The following NPAS2 variants were observed in gnomAD, a reference collection of about 807,000 sequenced individuals.
NPAS2 encodes neuronal PAS domain protein 2.
NPAS2 carries 23 observed loss-of-function variants against 107.5 expected under a neutral mutation model. The ratio of observed to expected loss-of-function variants is 0.21; its 90% CI spans 0.15 to 0.30. The LOEUF (loss-of-function observed/expected upper bound fraction) is 0.30, where lower values mean the gene tolerates loss of function less well. Among genes scored for constraint, NPAS2 ranks in the 10% least tolerant of loss-of-function variants. The probability of loss-of-function intolerance (pLI) is 1.00; values close to 1 mark genes in which losing one functional copy is unlikely to be tolerated. For missense variants in NPAS2, 756 were observed against 1,043.3 expected (o/e 0.72, Z 3.79); for synonymous variants, 403 against 417.5 (o/e 0.97, Z 0.42).
intron 1 of NPAS2, 27 bp from the exon 2 acceptor site, chr2:100,904,706 T>G: frequency 2.2e-6 from 3 of 1,392,788 alleles, no homozygotes; most frequent in Non-Finnish European, 2.0e-6. Context: ...TATCCATTCT[T>G]TTTAATTTTT....
At chr2:100,834,109 A>G (rs1434535916) in intron 1 of NPAS2, among the ~76,000 whole-genome samples, 2 of 152,066 alleles carry the variant, frequency 1.3e-5, no homozygotes, top group Non-Finnish European at 2.9e-5. Flanking sequence ...CACCGAACAG[A>G]CCAGCCGACC....
At chr2:100,959,089 C>CAAAAAAAAAAAA (rs758460503) in intron 7 of NPAS2, among the ~76,000 whole-genome samples, 1 of 47,674 alleles carries the variant, frequency 2.1e-5, no homozygotes, top group African/African-American at 1.1e-4. Flanking sequence ...CCCATCTCTT[C>CAAAAAAAAAAAA]AAAAAAAAAA....
chr2:100,909,805 G>A (rs1331663964), intron 2 of NPAS2, among the ~76,000 whole-genome samples: 4 of 151,868 alleles, frequency 2.6e-5, no homozygotes, highest in East Asian at 3.9e-4. Context: ...TAGGACATGC[G>A]ATTCGTGTAT....
rs1461568574 is a variant in NPAS2 at position 100,892,747 on chromosome 2, T to A, written c.-22-11986T>A. 5.9e-5 allele frequency among the ~76,000 whole-genome samples: 9 copies of A among 152,084 alleles called. No homozygotes were observed. In the East Asian group the frequency reaches 1.7e-3, roughly 29 times the overall value. ...TTATTTATTTATTTTTGAGACAGAG[T>A]CTCGCTCTGTCGCCCAGGCTGGAAT... On this transcript the variant is annotated intron_variant, in intron 1 of 20. Transcript: ENST00000335681.
chr2:100,852,268 G>C (rs1205248887), intron 1 of NPAS2, among the ~76,000 whole-genome samples: 2 of 152,022 alleles, frequency 1.3e-5, no homozygotes, highest in Non-Finnish European at 2.9e-5. Flanking sequence ...GTGGTGGTGG[G>C]TGCCTGTAGT....
At chr2:100,964,658 A>G (rs1676106622) in intron 8 of NPAS2, among the ~76,000 whole-genome samples, 2 of 152,102 alleles carry the variant, frequency 1.3e-5, no homozygotes, top group Admixed American at 1.3e-4. Flanking sequence ...GCTCCTAGGT[A>G]TTTTTCCCTA....
intron 1 of NPAS2, among the ~76,000 whole-genome samples, chr2:100,890,455 G>A (rs746765831): frequency 6.6e-5 from 10 of 152,106 alleles, no homozygotes; most frequent in Non-Finnish European, 1.3e-4. Context: ...CCTAGCCTAC[G>A]GGGAATCTCG....
intron 1 of NPAS2, among the ~76,000 whole-genome samples, chr2:100,852,136 C>T (rs1348803389): frequency 2.0e-5 from 3 of 152,132 alleles, no homozygotes; most frequent in Non-Finnish European, 2.9e-5. Flanking sequence ...GTGGCTCCTG[C>T]CTGTAATCCC....
At chr2:100,950,744 C>A (rs1018409693) in intron 7 of NPAS2, among the ~76,000 whole-genome samples, 1 of 152,186 alleles carries the variant, frequency 6.6e-6, no homozygotes, top group African/African-American at 2.4e-5. Flanking sequence ...TGGGAACAGA[C>A]CCATCCAGGG....
At chr2:100,833,267 C>CAGTTTCTT (rs1450999105) in intron 1 of NPAS2, among the ~76,000 whole-genome samples, 1 of 152,164 alleles carries the variant, frequency 6.6e-6, no homozygotes, top group African/African-American at 2.4e-5. Context: ...CCCCATGACT[C>CAGTTTCTT]AGTTTCTTCG....
At chr2:100,938,314 T>C (rs1684464948) in intron 5 of NPAS2, among the ~76,000 whole-genome samples, 1 of 152,196 alleles carries the variant, frequency 6.6e-6, no homozygotes, top group Middle Eastern at 3.4e-3. Context: ...TGGTAAGGGT[T>C]TGGCAGCAGG....
rs138848017 is a variant in NPAS2 at position 100,953,014 on chromosome 2, C to T, written c.598+3534C>T. On this transcript the variant is annotated intron_variant, in intron 7 of 20. Transcript: ENST00000335681. The stretch of plus-strand genomic sequence containing the variant: ...GAGTTCCCCATGTAACTGTGGAGTA[C>T]GTGAAATATCATTCTAACTGGGATT... Among the ~76,000 whole-genome samples the T allele has an allele frequency of 3.1e-3, 474 of 151,984 alleles. 10 individuals are homozygous for T. The highest frequency in any genetic ancestry group is 0.027 in the Admixed American group (406 of 15,258).
At chr2:100,921,985 G>A (rs1190121894) in intron 2 of NPAS2, among the ~76,000 whole-genome samples, 1 of 152,174 alleles carries the variant, frequency 6.6e-6, no homozygotes, top group African/African-American at 2.4e-5. Flanking sequence ...GGAATGGGGT[G>A]TTAATATGTG....
chr2:100,984,140 C>T (rs748668813), intron 16 of NPAS2: 5 of 152,388 alleles, frequency 3.3e-5, no homozygotes, highest in East Asian at 3.9e-4. Flanking sequence ...TTGCACCCTC[C>T]GGTGCCTTCC....
In NPAS2 at chr2:100,925,269, C is replaced by T. The variant is rs1390250072; in HGVS notation, c.156C>T (p.Val52=). The T allele has an allele frequency of 1.9e-6, 3 of 1,614,118 alleles. No homozygotes were observed. The highest frequency in any genetic ancestry group is 1.7e-4 in the Middle Eastern group (1 of 6,052). The part of the protein sequence containing the change: ...KMDKTTVLEK[V]IGFLQKHNEV... ...ACAAAACCACCGTGTTGGAAAAGGT[C>T]ATCGGATTTTTGCAGAAACACAATG... The change falls in exon 3 of 21, where the codon GTC becomes GTT. Residue 52 remains valine, a synonymous_variant. Transcript: ENST00000335681.
At chr2:100,946,452 G>A (rs1004008738) in intron 5 of NPAS2, among the ~76,000 whole-genome samples, 7 of 152,190 alleles carry the variant, frequency 4.6e-5, no homozygotes, top group African/African-American at 1.7e-4. Context: ...GGAGGGTGCA[G>A]CATGTTCCTG....
chr2:100,869,049 C>T (rs899069030), intron 1 of NPAS2, among the ~76,000 whole-genome samples: 1 of 152,134 alleles, frequency 6.6e-6, no homozygotes, highest in Non-Finnish European at 1.5e-5. Flanking sequence ...GTGCCTCAGC[C>T]TCCTGAGTAG....
intron 1 of NPAS2, among the ~76,000 whole-genome samples, chr2:100,885,581 C>T (rs1215967552): frequency 6.6e-6 from 1 of 152,128 alleles, no homozygotes; most frequent in Non-Finnish European, 1.5e-5. Context: ...TCCTGAATTG[C>T]TTACTTAAGT....
chr2:100,868,977 T>G (rs6746004), intron 1 of NPAS2, among the ~76,000 whole-genome samples: 7,819 of 152,260 alleles, frequency 0.051, 664 homozygotes, highest in African/African-American at 0.18. Flanking sequence ...CTGCACCCAG[T>G]CTGGAGTGCA....
Sources: gnomAD v4.1 joint callset for allele counts (sites outside exome capture counted in the v4.1 genomes callset) on GRCh38, gnomAD v4.1.1 for gene constraint, MANE v1.5 for transcripts, NCBI Gene and HGNC (gene_info 2026-07-23, HGNC 2026-07-21) for gene names.